The following ENOSF1 variants were observed in gnomAD, a reference collection of about 807,000 sequenced individuals.
ENOSF1 encodes enolase superfamily member 1, also known as mitochondrial enolase superfamily member 1.
Under a neutral mutation model 68.2 loss-of-function variants are expected in ENOSF1, and 73 were observed. The ratio of observed to expected loss-of-function variants is 1.07; its 90% CI spans 0.89 to 1.30. The LOEUF (loss-of-function observed/expected upper bound fraction) is 1.30. Among genes scored for constraint, ENOSF1 ranks in the 50% most tolerant of loss-of-function variants. The probability of loss-of-function intolerance (pLI) is 0.00; values close to 1 mark genes in which losing one functional copy is unlikely to be tolerated. For synonymous variants in ENOSF1, 223 were observed against 210.4 expected (o/e 1.06, Z -0.52); for missense variants, 589 against 554.5 (o/e 1.06, Z -0.62).
At chr18:680,498 A>C (rs1243518138) in intron 11 of ENOSF1, among the ~76,000 whole-genome samples, 1 of 151,996 alleles carries the variant, frequency 6.6e-6, no homozygotes, top group Non-Finnish European at 1.5e-5. Context: ...AATCTGCTCT[A>C]TTCAAGCTGC....
chr18:697,493 G>A, intron 2 of ENOSF1, 138 bp from the exon 3 acceptor site: 3 of 649,930 alleles, frequency 4.6e-6, no homozygotes, highest in East Asian at 2.9e-5. Flanking sequence ...GCTCATGCCT[G>A]TAATCTCAAC....
intron 11 of ENOSF1, among the ~76,000 whole-genome samples, chr18:681,628 C>T (rs1031509827): frequency 6.6e-6 from 1 of 152,192 alleles, no homozygotes; most frequent in Admixed American, 6.5e-5. Context: ...AGGCTGTGGT[C>T]GCTCCATGGC....
At chr18:675,236 T>C in intron 15 of ENOSF1, 85 bp downstream of exon 15, 1 of 1,014,550 alleles carries the variant, frequency 9.9e-7, no homozygotes, top group Non-Finnish European at 1.5e-6. Flanking sequence ...AGTCAAAGCT[T>C]GGTGCTCCAC....
chr18:701,939 G>A (rs1013719632), intron 2 of ENOSF1, among the ~76,000 whole-genome samples: 1 of 148,064 alleles, frequency 6.8e-6, no homozygotes, highest in Non-Finnish European at 1.5e-5. Context: ...TAAATACATA[G>A]ATAAATAAAT....
intron 14 of ENOSF1, 93 bp downstream of exon 14, chr18:677,252 A>T: frequency 9.7e-7 from 1 of 1,028,418 alleles, no homozygotes; most frequent in Non-Finnish European, 1.5e-6. Flanking sequence ...ACAAGGTCTT[A>T]GTGTGTTCTG....
At chr18:680,251 C>A (rs575042762) in intron 11 of ENOSF1, among the ~76,000 whole-genome samples, 62 of 152,344 alleles carry the variant, frequency 4.1e-4, no homozygotes, top group Non-Finnish European at 7.3e-4. Flanking sequence ...GCCTCCTCAT[C>A]TGCAGAAGGC....
chr18:704,234 C>A lies in ENOSF1; in HGVS notation c.193+2236G>T, dbSNP rs574958966. On this transcript the variant is annotated intron_variant, in intron 2 of 15. Coordinates refer to ENST00000647584, the MANE Select transcript of ENOSF1 (RefSeq NM_017512.7). ...AGATCATTTGAAGTCAGGAGACCGG[C>A]CTGACCAAACATGGTGAAACCTCAT... Among the ~76,000 whole-genome samples the A allele has an allele frequency of 1.4e-4, 22 of 151,944 alleles. No individual in the cohort carries two copies. In the South Asian group the frequency reaches 4.6e-3, roughly 32 times the overall value.
Position 697,119 on chromosome 18 carries a change from A to AT in ENOSF1, c.309+120_309+121insA, listed in dbSNP as rs1345161550. 5 of 802,338 alleles carry AT rather than the reference A, an allele frequency of 6.2e-6. No individual in the cohort carries two copies. The African/African-American group carries it at 8.6e-5, about 14-fold the overall frequency. The allele number at this position is 802,338 out of a possible 1,614,324, so 49.7% of individuals were successfully genotyped here. Reference sequence around the variant, plus strand: ...GTGACAGAGTGAGACTCCATCTCAAAAAATAAATAAATAAACAAATAAATA... The same window carrying AT: ...GTGACAGAGTGAGACTCCATCTCAAATAAATAAATAAATAAACAAATAAATA... On this transcript the variant is annotated intron_variant, in intron 3 of 15. Transcript: ENST00000647584.
At chr18:693,976 C>G (rs550840355) in intron 4 of ENOSF1, 68 bp from the exon 5 acceptor site, 1 of 1,511,416 alleles carries the variant, frequency 6.6e-7, no homozygotes, top group Admixed American at 1.9e-5. Flanking sequence ...TGACAGTAAA[C>G]GCGTTGGCAG....
In ENOSF1 at chr18:674,202, A is replaced by G. The variant is rs1237672124; in HGVS notation, c.*103T>C. 1.3e-6 allele frequency: 1 copy of G among 792,634 alleles called. No individual in the cohort carries two copies. The highest frequency in any genetic ancestry group is 2.1e-6 in the Non-Finnish European group (1 of 480,200). The allele number at this position is 792,634 out of a possible 1,614,324, so 49.1% of individuals were successfully genotyped here. A position where few individuals can be genotyped will look rare whatever the true frequency, so the allele number is the denominator to read the frequency against. ...GGTGGTATGACTTCTAGCTGAACTCATCTTGATCGGTAGGATTTTTTAAAT... is the reference window on the plus strand; with the variant it reads ...GGTGGTATGACTTCTAGCTGAACTCGTCTTGATCGGTAGGATTTTTTAAAT... On this transcript the variant is annotated 3_prime_UTR_variant, in exon 16 of 16. Coordinates refer to ENST00000647584, the MANE Select transcript of ENOSF1 (RefSeq NM_017512.7).
rs199837565 is a variant in ENOSF1, at chr18:678,695, C to T, written c.918+1G>A. 3.7e-6 allele frequency: 6 copies of T among 1,613,968 alleles called. No individual in the cohort carries two copies. Among genetic ancestry groups the T allele is most frequent in the East Asian group, 2.2e-5 (1 of 44,894 alleles). On this transcript the variant is annotated splice_donor_variant, in intron 12 of 15. Coordinates refer to ENST00000647584, the MANE Select transcript of ENOSF1 (RefSeq NM_017512.7). LOFTEE classifies it high-confidence loss of function. ...ATCCACCTGTTGGGGGCGTCACTCA[C>T]CTGTTCTCCTGTGGCAATGCCAATT...
chr18:707,685 A>G (rs1027824994), intron 1 of ENOSF1: 3 of 152,172 alleles, frequency 2.0e-5, no homozygotes, highest in Non-Finnish European at 2.9e-5. Flanking sequence ...TTATTATTCT[A>G]TAATATTTAT....
chr18:712,321 G>T, intron 1 of ENOSF1, 183 bp downstream of exon 1: 1 of 296,760 alleles, frequency 3.4e-6, no homozygotes, highest in Non-Finnish European at 4.3e-6. Context: ...AGCTGCAGTC[G>T]GCGGGGCGGG....
At chr18:703,219 G>T (rs910079647) in intron 2 of ENOSF1, among the ~76,000 whole-genome samples, 1 of 152,130 alleles carries the variant, frequency 6.6e-6, no homozygotes, top group Non-Finnish European at 1.5e-5. Flanking sequence ...GCGGTGTGGG[G>T]CTGGGAATGG....
intron 5 of ENOSF1, 117 bp downstream of exon 5, chr18:693,765 A>G: frequency 6.7e-7 from 1 of 1,496,414 alleles, no homozygotes; most frequent in Non-Finnish European, 8.9e-7. Context: ...TTGCTTTATC[A>G]TCGCTATAGT....
intron 3 of ENOSF1, among the ~76,000 whole-genome samples, chr18:696,281 G>A (rs796383267): frequency 1.5e-4 from 21 of 139,240 alleles, no homozygotes; most frequent in African/African-American, 5.0e-4. Context: ...GTGCGATCTC[G>A]GCTCACTGCA....
Position 691,064 on chromosome 18 carries a change from C to G in ENOSF1, c.535+4G>C. 6.2e-7 allele frequency: 1 copy of G among 1,614,092 alleles called. No individual in the cohort carries two copies. Among genetic ancestry groups the G allele is most frequent in the Non-Finnish European group, 8.5e-7 (1 of 1,179,970 alleles). On this transcript the variant is annotated splice_donor_region_variant and intron_variant, in intron 7 of 15. Coordinates refer to ENST00000647584, the MANE Select transcript of ENOSF1 (RefSeq NM_017512.7). ...ACAATGAAGAAAATTTTCTTACAAC[C>G]CACCTCTTTCTTTTTTACCAATTTG...
intron 11 of ENOSF1, among the ~76,000 whole-genome samples, chr18:682,556 A>G (rs996132079): frequency 7.9e-5 from 12 of 152,068 alleles, no homozygotes; most frequent in African/African-American, 1.9e-4. Flanking sequence ...GTTAGCGTGT[A>G]GGAGAAAAAA....
At chr18:697,025 G>A (rs1257278088) in intron 3 of ENOSF1, among the ~76,000 whole-genome samples, 1 of 152,140 alleles carries the variant, frequency 6.6e-6, no homozygotes, top group Non-Finnish European at 1.5e-5. Context: ...GCTGAAGCAG[G>A]AGAACTGTTT....
Sources: allele counts gnomAD v4.1 joint callset (sites outside exome capture counted in the v4.1 genomes callset), GRCh38; gene constraint gnomAD v4.1.1; transcripts MANE v1.5; gene names NCBI Gene and HGNC (gene_info 2026-07-23, HGNC 2026-07-21).